BCAS3: variants seen among roughly 807,000 people sequenced by gnomAD.
The protein encoded by BCAS3 is BCAS3 microtubule associated cell migration factor.
Under a neutral mutation model 116.1 loss-of-function variants are expected in BCAS3, and 53 were observed. That is an observed-to-expected ratio of 0.46 (90% CI 0.37 to 0.57). BCAS3 has a LOEUF of 0.57. Ranked by LOEUF, BCAS3 falls within the 20% of genes least tolerant of loss-of-function variation. The probability of loss-of-function intolerance (pLI) is 0.00; values close to 1 mark genes in which losing one functional copy is unlikely to be tolerated. For missense variants in BCAS3, 917 were observed against 1,165.4 expected, an observed-to-expected ratio of 0.79 and a Z score of 3.10; for synonymous variants, 391 against 408.2, an observed-to-expected ratio of 0.96 and a Z score of 0.51.
rs986377046 is a variant in BCAS3, at chr17:61,325,393, C to A, written c.2426-42934C>A. On this transcript the variant is annotated intron_variant, in intron 22 of 23. Coordinates refer to ENST00000407086, the MANE Select transcript of BCAS3 (RefSeq NM_017679.5). The surrounding 1 kb of genome is among the most constrained non-coding windows in gnomAD (Gnocchi z 6.4). ...TGCCCTGAACAGTTATTAGGGCTCA[C>A]AGGGCTTGCAGGGTGACCCTCTGCT... 2.0e-5 allele frequency among the ~76,000 whole-genome samples: 3 copies of A among 152,168 alleles called. No individual in the cohort carries two copies. Among genetic ancestry groups the A allele is most frequent in the Admixed American group, 6.5e-5 (1 of 15,278 alleles).
At chr17:60,920,746 C>T (rs374359378) in intron 12 of BCAS3, among the ~76,000 whole-genome samples, 1 of 151,792 alleles carries the variant, frequency 6.6e-6, no homozygotes, top group East Asian at 1.9e-4. Context: ...GGCGGGTGCC[C>T]ATAGTCCCAG....
intron 22 of BCAS3, among the ~76,000 whole-genome samples, chr17:61,155,392 T>C (rs1406666390): frequency 6.6e-6 from 1 of 152,156 alleles, no homozygotes; most frequent in East Asian, 1.9e-4. Context: ...TGTGATTTAT[T>C]GTTTTATCAA....
intron 22 of BCAS3, among the ~76,000 whole-genome samples, chr17:61,137,410 T>G (rs1165263744): frequency 6.6e-6 from 1 of 152,190 alleles, no homozygotes; most frequent in Non-Finnish European, 1.5e-5. Flanking sequence ...CTACCAAAGA[T>G]AGTATGTGCA....
At chr17:61,216,178 T>C (rs1322486537) in intron 22 of BCAS3, among the ~76,000 whole-genome samples, 2 of 152,338 alleles carry the variant, frequency 1.3e-5, no homozygotes, top group South Asian at 4.1e-4. Context: ...TTTCCTAAGA[T>C]TAAATTTTAA....
intron 13 of BCAS3, among the ~76,000 whole-genome samples, chr17:60,925,793 C>T (rs1252913149): frequency 4.0e-5 from 6 of 151,874 alleles, no homozygotes; most frequent in Non-Finnish European, 7.4e-5. Context: ...AAACAAGTTA[C>T]AGGTTGAGTA....
intron 22 of BCAS3, among the ~76,000 whole-genome samples, chr17:61,308,550 G>A (rs574174812): frequency 2.1e-4 from 32 of 152,002 alleles, no homozygotes; most frequent in African/African-American, 6.5e-4. Context: ...AGCTCTTCTC[G>A]GTGAGTAAGA....
At chr17:61,164,711 C>T (rs148714821) in intron 22 of BCAS3, among the ~76,000 whole-genome samples, 4 of 152,270 alleles carry the variant, frequency 2.6e-5, no homozygotes, top group African/African-American at 4.8e-5. Context: ...TGGTGTCATG[C>T]GCTTGGACTT....
chr17:61,015,032 G>A (rs1260125938), intron 15 of BCAS3, among the ~76,000 whole-genome samples: 1 of 152,090 alleles, frequency 6.6e-6, no homozygotes, highest in Admixed American at 6.5e-5. Context: ...GGATTAAAAG[G>A]TATATTATTG....
chr17:60,972,663 G>C (rs1183449782), intron 14 of BCAS3, among the ~76,000 whole-genome samples: 5 of 151,864 alleles, frequency 3.3e-5, no homozygotes, highest in African/African-American at 1.2e-4. Flanking sequence ...TGTTGCCCAG[G>C]CTGGTCTTGA....
At chr17:60,912,756 T>C (rs990164506) in intron 12 of BCAS3, among the ~76,000 whole-genome samples, 34 of 152,244 alleles carry the variant, frequency 2.2e-4, no homozygotes, top group African/African-American at 7.9e-4. Flanking sequence ...AAATATTCCT[T>C]TTGTTCTTTG....
At chr17:61,155,272 A>G (rs901203697) in intron 22 of BCAS3, among the ~76,000 whole-genome samples, 4 of 152,200 alleles carry the variant, frequency 2.6e-5, no homozygotes, top group Non-Finnish European at 5.9e-5. Flanking sequence ...GTTATCAGAG[A>G]CAAATACTAG....
At chr17:60,930,154 C>A (rs1379097583) in intron 13 of BCAS3, among the ~76,000 whole-genome samples, 1 of 152,076 alleles carries the variant, frequency 6.6e-6, no homozygotes, top group Non-Finnish European at 1.5e-5. Context: ...ATACTCCAGT[C>A]CTTCTTTACC....
At chr17:61,172,857 G>A (rs1056736924) in intron 22 of BCAS3, among the ~76,000 whole-genome samples, 1 of 149,470 alleles carries the variant, frequency 6.7e-6, no homozygotes, top group Admixed American at 6.7e-5. Context: ...GCGTGGCGGT[G>A]GGCACCTGTA....
At chr17:60,837,534 G>A (rs1221520070) in intron 7 of BCAS3, among the ~76,000 whole-genome samples, 1 of 151,998 alleles carries the variant, frequency 6.6e-6, no homozygotes, top group Non-Finnish European at 1.5e-5. Context: ...CAATAAATTT[G>A]TTAACTTACA....
chr17:61,386,302 G>A (rs902358320), intron 23 of BCAS3, among the ~76,000 whole-genome samples: 1 of 152,154 alleles, frequency 6.6e-6, no homozygotes, highest in African/African-American at 2.4e-5. Flanking sequence ...TGCCTTCTCG[G>A]GTTCTCTTGA....
intron 23 of BCAS3, among the ~76,000 whole-genome samples, chr17:61,386,410 G>A (rs1345882565): frequency 6.6e-6 from 1 of 152,204 alleles, no homozygotes; most frequent in Non-Finnish European, 1.5e-5. Flanking sequence ...TGGACCCTAA[G>A]GTCTCATCCT....
intron 6 of BCAS3, among the ~76,000 whole-genome samples, chr17:60,785,478 G>C (rs945833540): frequency 2.0e-5 from 3 of 152,158 alleles, no homozygotes; most frequent in Non-Finnish European, 4.4e-5. Context: ...CCTTTTGAAA[G>C]TCTGTTTCAT....
intron 13 of BCAS3, among the ~76,000 whole-genome samples, chr17:60,931,170 G>T: frequency 6.6e-6 from 1 of 152,034 alleles, no homozygotes; most frequent in East Asian, 1.9e-4. Flanking sequence ...TGATCCCCAT[G>T]GTTAGATCTG....
intron 6 of BCAS3, among the ~76,000 whole-genome samples, chr17:60,777,002 T>G (rs2045358568): frequency 7.6e-6 from 1 of 131,464 alleles, no homozygotes; most frequent in South Asian, 2.2e-4. Flanking sequence ...GCAACAAGAG[T>G]GAGAACTCCA....
Sources: gnomAD v4.1 joint callset for allele counts (sites outside exome capture counted in the v4.1 genomes callset) on GRCh38, gnomAD v4.1.1 for gene constraint, Gnocchi (gnomAD v3.1) non-coding constraint, MANE v1.5 for transcripts, NCBI Gene and HGNC (gene_info 2026-07-23, HGNC 2026-07-21) for gene names.